RAB13: variants seen among roughly 807,000 people sequenced by gnomAD.
RAB13 encodes the protein RAB13, member RAS oncogene family.
Under a neutral mutation model 29.3 loss-of-function variants are expected in RAB13, and 15 were observed. That is an observed-to-expected ratio of 0.51 (90% CI 0.34 to 0.79). The LOEUF (loss-of-function observed/expected upper bound fraction) is 0.79, where lower values mean the gene tolerates loss of function less well. RAB13 is among the 30% of genes least tolerant of loss of function. The probability of loss-of-function intolerance (pLI) is 0.01; values close to 1 mark genes in which losing one functional copy is unlikely to be tolerated. For missense variants in RAB13, 186 were observed against 255.5 expected (o/e 0.73, Z 1.85); for synonymous variants, 82 against 93.8 (o/e 0.87, Z 0.73).
intron 1 of RAB13, 143 bp from the exon 2 acceptor site, chr1:153,984,924 C>G (rs1247141545): frequency 7.2e-7 from 1 of 1,382,978 alleles, no homozygotes; most frequent in Non-Finnish European, 9.3e-7. Context: ...TTGGAAATGC[C>G]AAGCTAGGAG....
At chr1:153,988,903 C>G (rs1324936297), upstream of RAB13, among the ~76,000 whole-genome samples, 1 of 149,232 alleles carries the variant, frequency 6.7e-6, no homozygotes, top group African/African-American at 2.4e-5. Flanking sequence ...TGAGCCACTG[C>G]GCCCAACCTT....
Position 153,982,431 on chromosome 1 carries a change from A to G in RAB13, c.494T>C (p.Leu165Pro). ...SMNVDEAFSS[L>P]ARDILLKSGG... Reference sequence around the variant, plus strand: ...TGACTTGAGCAAGATGTCCCGGGCCAGGGAACTAAAAGCCTAAAGTGGGGA... The same window carrying G: ...TGACTTGAGCAAGATGTCCCGGGCCGGGGAACTAAAAGCCTAAAGTGGGGA... The change falls in exon 7 of 8, where the codon CTG (leucine) becomes CCG (proline). Residue 165 changes from leucine to proline, a missense_variant. By Grantham distance (98) the Leu-to-Pro change is moderately conservative (BLOSUM62 -3). Coordinates refer to ENST00000368575, the MANE Select transcript of RAB13 (RefSeq NM_002870.5). 6.2e-7 allele frequency: 1 copy of G among 1,614,034 alleles called. No homozygotes were observed. The highest frequency in any genetic ancestry group is 8.5e-7 in the Non-Finnish European group (1 of 1,179,904).
Position 153,982,770 on chromosome 1 carries a change from G to C in RAB13, c.363C>G (p.Asn121Lys), listed in dbSNP as rs1220201453. ...SAGVERLLLG[N>K]KCDMEAKRKV... is the part of the protein sequence containing the mutation. ...TCCTCTTGGCCTCCATGTCACATTT[G>C]TTCCCCAGCAAGAGGCGCTCCACCC... The change falls in exon 5 of 8, where the codon AAC becomes AAG. Residue 121 changes from asparagine (N) to lysine (K), a missense_variant. Coordinates refer to ENST00000368575, the MANE Select transcript of RAB13 (RefSeq NM_002870.5). 5.6e-6 allele frequency: 9 copies of C among 1,613,998 alleles called. No homozygotes were observed. In the Admixed American group the frequency reaches 1.5e-4, roughly 27 times the overall value.
chr1:153,986,350 C>T, upstream of RAB13: 1 of 829,196 alleles, frequency 1.2e-6, no homozygotes, highest in Non-Finnish European at 1.9e-6. Flanking sequence ...AAGTTTTCCT[C>T]CCTCTCCGCC....
In RAB13 at chr1:153,983,540, G is replaced by A; in HGVS notation, c.227C>T (p.Ala76Val). The A allele has an allele frequency of 1.2e-6, 2 of 1,611,118 alleles. No homozygotes were observed. The highest frequency in any genetic ancestry group is 1.7e-6 in the Non-Finnish European group (2 of 1,177,278). ...GQERFKTITT[A>V]YYRGAMGIIL... is the part of the protein sequence containing the mutation. ...TCATACCATGGCTCCACGGTAGTAG[G>A]CAGTAGTTATTGTCTTGAACCGCTC... The change falls in exon 3 of 8, where the codon GCC becomes GTC. Residue 76 changes from alanine to valine, a missense_variant. Transcript: ENST00000368575.
intron 7 of RAB13, 87 bp downstream of exon 7, chr1:153,982,299 ACCAAC>A: frequency 6.8e-7 from 1 of 1,471,638 alleles, no homozygotes. Context: ...TTTTATCAAC[ACCAAC>A]ACACACACAC....
At chr1:153,986,789 T>A (rs1295712272), upstream of RAB13, among the ~76,000 whole-genome samples, 1 of 151,974 alleles carries the variant, frequency 6.6e-6, no homozygotes, top group Non-Finnish European at 1.5e-5. Flanking sequence ...TGGGGCTGAG[T>A]AAAAGGCAGT....
chr1:153,989,925 A>T (rs1465183667), upstream of RAB13, among the ~76,000 whole-genome samples: 1 of 152,038 alleles, frequency 6.6e-6, no homozygotes, highest in African/African-American at 2.4e-5. Flanking sequence ...AAAAAAAAAG[A>T]AGGCATCTTT....
In RAB13 at chr1:153,983,308, C is replaced by T; in HGVS notation, c.247-12G>A. 3 of 1,610,650 alleles carry T rather than the reference C, an allele frequency of 1.9e-6. No homozygotes were observed. The highest frequency in any genetic ancestry group is 2.5e-6 in the Non-Finnish European group (3 of 1,176,898). ...ACTAGGATAATGCCCTGGGAGATGA[C>T]AAAATTCACCTTGGACCATGTTCCC... On this transcript the variant is annotated splice_polypyrimidine_tract_variant and intron_variant, in intron 3 of 7. Coordinates refer to ENST00000368575, the MANE Select transcript of RAB13 (RefSeq NM_002870.5).
At position 153,982,117 on chromosome 1, in the gene RAB13, G is replaced by T. The variant is rs1453262835; in HGVS notation, c.594C>A (p.Asn198Lys). 1 of 1,613,824 alleles carries T rather than the reference G, an allele frequency of 6.2e-7. No homozygotes were observed. The highest frequency in any genetic ancestry group is 1.7e-5 in the Admixed American group (1 of 60,000). ...DLKTCDKKNT[N>K]KCSLG ...AGGGTCCTCAGCCCAGGGAGCACTT[G>T]TTGGTGTTCTTCTTGTCACAAGTTT... The change falls in exon 8 of 8, where the codon AAC becomes AAA. Residue 198 changes from asparagine (N) to lysine (K), a missense_variant. Transcript: ENST00000368575.
intron 1 of RAB13, among the ~76,000 whole-genome samples, chr1:153,985,687 G>A (rs913690076): frequency 4.6e-5 from 7 of 151,836 alleles, no homozygotes; most frequent in Non-Finnish European, 1.0e-4. Flanking sequence ...GGACACAGTG[G>A]GAGAGTTTGA....
Position 153,986,313 on chromosome 1 carries a change from G to T in RAB13, c.-77C>A, listed in dbSNP as rs1649168997. 2 of 1,189,386 alleles carry T rather than the reference G, an allele frequency of 1.7e-6. No individual in the cohort carries two copies. The allele number at this position is 1,189,386 out of a possible 1,614,324, so 73.7% of individuals were successfully genotyped here. On this transcript the variant is annotated 5_prime_UTR_variant, in exon 1 of 8. The change creates a new upstream start codon in the 5' untranslated region. Coordinates refer to ENST00000368575, the MANE Select transcript of RAB13 (RefSeq NM_002870.5). ...GGCGGGACTGGACGGTTGGCAAACA[G>T]AGCGGCACGGAGCCCAGGCCAGGAA...
chr1:153,983,405 C>T (rs1354383292), intron 3 of RAB13, 109 bp from the exon 4 acceptor site: 32 of 1,468,230 alleles, frequency 2.2e-5, no homozygotes, highest in Middle Eastern at 1.7e-4. Flanking sequence ...GTTGGGCCCT[C>T]TGCAACCCAC....
rs1648983135 is a variant in RAB13 at position 153,981,909 on chromosome 1, C to G, written c.*190G>C. 1 of 612,448 alleles carries G rather than the reference C, an allele frequency of 1.6e-6. No individual in the cohort carries two copies. Among genetic ancestry groups the G allele is most frequent in the South Asian group, 2.0e-5 (1 of 48,960 alleles). The allele number at this position is 612,448 out of a possible 1,614,324, so 37.9% of individuals were successfully genotyped here. On this transcript the variant is annotated 3_prime_UTR_variant, in exon 8 of 8. Transcript: ENST00000368575. ...TCTTTCACTTCCTCAATTCATTCCTCTCCCTTCTCCCTTCCTCTCTCTTCC... is the reference window on the plus strand; with the variant it reads ...TCTTTCACTTCCTCAATTCATTCCTGTCCCTTCTCCCTTCCTCTCTCTTCC...
chr1:153,986,140 A>G lies in RAB13; in HGVS notation c.97T>C (p.Phe33Leu). Reference sequence around the variant, plus strand: ...ATGGTGGAGATGTAAGTGTTGTTGAAGTTGTCCTCTGCAAAGCGAATGATC... The same window carrying G: ...ATGGTGGAGATGTAAGTGTTGTTGAGGTTGTCCTCTGCAAAGCGAATGATC... ...CLIIRFAEDN[F>L]NNTYISTIGI... is the part of the protein sequence containing the mutation. Residue 33 changes from phenylalanine to leucine, a missense_variant, in exon 1 of 8, where the codon TTC (phenylalanine) becomes CTC (leucine). Physicochemically the swap from Phe to Leu is conservative, Grantham distance 22 (BLOSUM62 0). Transcript: ENST00000368575. 1 of 1,613,840 alleles carries G rather than the reference A, an allele frequency of 6.2e-7. No homozygotes were observed.
rs1648979897 is a variant in RAB13, at chr1:153,981,798, T to C, written c.*301A>G. 2.1e-6 allele frequency: 1 copy of C among 482,454 alleles called. No individual in the cohort carries two copies. The highest frequency in any genetic ancestry group is 1.9e-5 in the African/African-American group (1 of 51,512). The allele number at this position is 482,454 out of a possible 1,614,324, so 29.9% of individuals were successfully genotyped here. On this transcript the variant is annotated 3_prime_UTR_variant, in exon 8 of 8. Transcript: ENST00000368575. ...GAATAAATCAGTGTATTTACATTTA[T>C]GTTTGCCCTGAAAACCCAGGTAAGG...
chr1:153,989,992 C>T (rs146439889), upstream of RAB13, among the ~76,000 whole-genome samples: 1 of 152,310 alleles, frequency 6.6e-6, no homozygotes, highest in Non-Finnish European at 1.5e-5. Flanking sequence ...CTAAACTATT[C>T]AATCTCTTTT....
chr1:153,988,482 G>A (rs113396513), upstream of RAB13, among the ~76,000 whole-genome samples: 1 of 145,912 alleles, frequency 6.9e-6, no homozygotes, highest in Non-Finnish European at 1.5e-5. Context: ...AGGGAGAGAC[G>A]GGGTTTCACC....
chr1:153,984,034 C>T (rs952713262), intron 2 of RAB13, among the ~76,000 whole-genome samples: 4 of 151,720 alleles, frequency 2.6e-5, no homozygotes, highest in Admixed American at 6.6e-5. Flanking sequence ...AAAATTAGCC[C>T]GGCCTAGTGG....
Sources: gnomAD v4.1 joint callset for allele counts (sites outside exome capture counted in the v4.1 genomes callset) on GRCh38, gnomAD v4.1.1 for gene constraint, MANE v1.5 for transcripts, NCBI Gene and HGNC (gene_info 2026-07-23, HGNC 2026-07-21) for gene names.